The following RIMS2 variants were observed in gnomAD, a reference collection of about 807,000 sequenced individuals.
RIMS2 encodes the protein regulating synaptic membrane exocytosis protein 2.
A neutral mutation model predicts 174.4 loss-of-function variants in RIMS2; 59 were observed. The observed-to-expected ratio is 0.34, with a 90% CI of 0.27 to 0.42. The LOEUF is 0.42. RIMS2 is among the 10% of genes least tolerant of loss of function. RIMS2 has a pLI of 1.00. For missense variants in RIMS2, 1,620 were observed against 1,666.3 expected (o/e 0.97, Z 0.48); for synonymous variants, 606 against 572.5 (o/e 1.06, Z -0.84).
chr8:103,821,638 A>T (rs2154473356), intron 3 of RIMS2, among the ~76,000 whole-genome samples: 1 of 151,736 alleles, frequency 6.6e-6, no homozygotes, highest in East Asian at 1.9e-4. Flanking sequence ...CACATATTTT[A>T]ATTTTTTGGT....
exon 21 of RIMS2, chr8:104,248,747 G>A: frequency 6.2e-7 from 1 of 1,613,638 alleles, no homozygotes. Context: ...CCAGTTCAGT[G>A]ATTTCCTGGA....
At chr8:103,826,242 A>G (rs1266335267) in intron 3 of RIMS2, among the ~76,000 whole-genome samples, 1 of 151,972 alleles carries the variant, frequency 6.6e-6, no homozygotes, top group Admixed American at 6.6e-5. Context: ...AATGTAATTT[A>G]CTAATTGTCT....
intron 19 of RIMS2, among the ~76,000 whole-genome samples, chr8:104,076,481 T>C (rs2097294458): frequency 1.3e-5 from 2 of 152,186 alleles, no homozygotes; most frequent in South Asian, 2.1e-4. Flanking sequence ...GAAGGAGCCA[T>C]TGGAAGTATA....
chr8:104,057,460 G>C (rs557694169), intron 19 of RIMS2, among the ~76,000 whole-genome samples: 1 of 152,066 alleles, frequency 6.6e-6, no homozygotes, highest in South Asian at 2.1e-4. Context: ...ACTGAATTTA[G>C]AGATCAAAAA....
chr8:104,094,013 T>C (rs2097709979), intron 19 of RIMS2, among the ~76,000 whole-genome samples: 1 of 151,968 alleles, frequency 6.6e-6, no homozygotes, highest in Non-Finnish European at 1.5e-5. Flanking sequence ...TTAGAAAACA[T>C]AAGAATGTTA....
chr8:104,094,557 G>T (rs916691006), intron 19 of RIMS2: 1 of 701,630 alleles, frequency 1.4e-6, no homozygotes, highest in Non-Finnish European at 2.6e-6. Context: ...GGTAAAGGAA[G>T]AAAGAATTAA....
chr8:103,637,682 A>G (rs1334311837), intron 1 of RIMS2, among the ~76,000 whole-genome samples: 2 of 152,168 alleles, frequency 1.3e-5, no homozygotes, highest in African/African-American at 2.4e-5. Flanking sequence ...GCAGTCAACA[A>G]TTTACACAAT....
At chr8:103,545,057 T>A (rs954911002) in intron 1 of RIMS2, among the ~76,000 whole-genome samples, 4 of 152,218 alleles carry the variant, frequency 2.6e-5, no homozygotes, top group Non-Finnish European at 5.9e-5. Flanking sequence ...GACTGCAATG[T>A]CAGAAATAGA....
At chr8:104,011,602 A>G (rs2154553637) in intron 17 of RIMS2, among the ~76,000 whole-genome samples, 1 of 152,186 alleles carries the variant, frequency 6.6e-6, no homozygotes, top group African/African-American at 2.4e-5. Context: ...TTCTTCACAA[A>G]GAAGTGAAAT....
intron 19 of RIMS2, among the ~76,000 whole-genome samples, chr8:104,128,541 T>C (rs2098449249): frequency 6.6e-6 from 1 of 151,958 alleles, no homozygotes; most frequent in Non-Finnish European, 1.5e-5. Context: ...CTACTAAAAA[T>C]ACAAAATTAG....
chr8:103,918,402 A>C, intron 8 of RIMS2, 39 bp from the exon 12 acceptor site: 1 of 1,358,242 alleles, frequency 7.4e-7, no homozygotes, highest in South Asian at 1.4e-5. Flanking sequence ...TAATTGTTGA[A>C]ACAGTTTCTG....
chr8:103,948,255 A>G (rs973512852), intron 14 of RIMS2, among the ~76,000 whole-genome samples: 1 of 152,210 alleles, frequency 6.6e-6, no homozygotes, highest in Non-Finnish European at 1.5e-5. Context: ...GTGAAATGGT[A>G]CAACCACTTT....
chr8:104,077,117 G>A (rs2097309994), intron 19 of RIMS2, among the ~76,000 whole-genome samples: 1 of 152,152 alleles, frequency 6.6e-6, no homozygotes, highest in South Asian at 2.1e-4. Flanking sequence ...ACCACACCCA[G>A]CCAGATTGTT....
intron 6 of RIMS2, among the ~76,000 whole-genome samples, chr8:103,913,608 A>AG (rs2076144081): frequency 1.3e-5 from 2 of 152,278 alleles, no homozygotes; most frequent in East Asian, 3.9e-4. Context: ...AAAGAGGTTT[A>AG]ATCAGCTCAT....
intron 1 of RIMS2, among the ~76,000 whole-genome samples, chr8:103,611,905 A>T (rs1282821311): frequency 6.6e-6 from 1 of 151,578 alleles, no homozygotes; most frequent in Non-Finnish European, 1.5e-5. Flanking sequence ...AAGGCCAATG[A>T]TTCTTAGATT....
chr8:103,720,985 T>C (rs1212494189), intron 2 of RIMS2, among the ~76,000 whole-genome samples: 1 of 152,192 alleles, frequency 6.6e-6, no homozygotes, highest in Non-Finnish European at 1.5e-5. Flanking sequence ...TCATGTTCAG[T>C]TGTAATCCCC....
At chr8:103,735,323 A>G (rs1049191450) in intron 2 of RIMS2, among the ~76,000 whole-genome samples, 2 of 152,190 alleles carry the variant, frequency 1.3e-5, no homozygotes, top group Admixed American at 6.6e-5. Context: ...GTTACTTTCT[A>G]TAGCCTAAGC....
chr8:104,155,409 C>CTTTT (rs10578958), intron 19 of RIMS2, among the ~76,000 whole-genome samples: 5 of 81,016 alleles, frequency 6.2e-5, no homozygotes, highest in African/African-American at 1.6e-4. Context: ...CCCGGCCTTG[C>CTTTT]TTTTTTTTTT....
At chr8:103,803,934 C>G (rs1171247026) in intron 3 of RIMS2, among the ~76,000 whole-genome samples, 1 of 152,114 alleles carries the variant, frequency 6.6e-6, no homozygotes, top group Non-Finnish European at 1.5e-5. Flanking sequence ...TAAACGTGGT[C>G]CAGTGGACAT....
Sources: allele counts gnomAD v4.1 joint callset (sites outside exome capture counted in the v4.1 genomes callset), GRCh38; gene constraint gnomAD v4.1.1; transcripts MANE v1.5; gene names NCBI Gene and HGNC (gene_info 2026-07-23, HGNC 2026-07-21).